Variants in NELL1 observed in about 807,000 individuals in gnomAD.
NELL1 encodes the protein neural EGFL like 1.
In NELL1, 76 loss-of-function variants were observed where a neutral mutation model predicts 107.4. The observed-to-expected ratio is 0.71, with a 90% confidence interval of 0.59 to 0.86. The LOEUF (loss-of-function observed/expected upper bound fraction) is 0.86, where lower values mean the gene tolerates loss of function less well. Ranked by LOEUF, NELL1 falls within the 40% of genes least tolerant of loss-of-function variation. The pLI is 0.00. For missense variants in NELL1, 1,024 were observed against 1,005.5 expected (o/e 1.02, Z -0.25); for synonymous variants, 353 against 341.2 (o/e 1.03, Z -0.38).
chr11:20,753,962 G>T (rs1203496569), intron 2 of NELL1, among the ~76,000 whole-genome samples: 1 of 152,146 alleles, frequency 6.6e-6, no homozygotes, highest in Non-Finnish European at 1.5e-5. Flanking sequence ...GTGTCTCATT[G>T]GTTTGTCATG....
At chr11:21,553,735 T>C (rs1304833584) in intron 16 of NELL1, among the ~76,000 whole-genome samples, 4 of 151,732 alleles carry the variant, frequency 2.6e-5, no homozygotes, top group African/African-American at 9.7e-5. Context: ...ATGAGAGACA[T>C]AAAGATAAGA....
At chr11:21,107,582 A>G (rs1319727307) in intron 12 of NELL1, among the ~76,000 whole-genome samples, 1 of 152,160 alleles carries the variant, frequency 6.6e-6, no homozygotes, top group Non-Finnish European at 1.5e-5. Flanking sequence ...TGACACAGCT[A>G]TCAAGAAATA....
chr11:20,835,217 C>T (rs1457429833), intron 3 of NELL1, among the ~76,000 whole-genome samples: 1 of 152,180 alleles, frequency 6.6e-6, no homozygotes, highest in Non-Finnish European at 1.5e-5. Flanking sequence ...CTCCTCTCCT[C>T]GTTTTAAAGG....
chr11:21,519,036 T>C (rs1392661495), intron 15 of NELL1, among the ~76,000 whole-genome samples: 1 of 152,192 alleles, frequency 6.6e-6, no homozygotes, highest in Non-Finnish European at 1.5e-5. Flanking sequence ...TGTGATTTAA[T>C]TGGAATTTTT....
intron 3 of NELL1, among the ~76,000 whole-genome samples, chr11:20,821,076 C>T (rs1022276300): frequency 1.3e-5 from 2 of 152,136 alleles, no homozygotes; most frequent in African/African-American, 4.8e-5. Context: ...AAGCCATTAA[C>T]CCTTCCAGGG....
At chr11:21,527,776 G>A (rs1420012632) in intron 15 of NELL1, among the ~76,000 whole-genome samples, 1 of 152,160 alleles carries the variant, frequency 6.6e-6, no homozygotes, top group Non-Finnish European at 1.5e-5. Context: ...GAAGAGCTTG[G>A]AGTCTGATAT....
intron 14 of NELL1, among the ~76,000 whole-genome samples, chr11:21,347,392 C>T (rs565504020): frequency 1.1e-3 from 164 of 152,092 alleles, no homozygotes; most frequent in Non-Finnish European, 2.0e-3. Context: ...CACCTGAGGT[C>T]GGGAGTTTGA....
Position 20,675,308 on chromosome 11 carries a change from G to C in NELL1, c.56-2624G>C, listed in dbSNP as rs116247563. Among the ~76,000 whole-genome samples the C allele has an allele frequency of 7.8e-3, 1,193 of 152,302 alleles. 13 individuals are homozygous for C. The highest frequency in any genetic ancestry group is 0.027 in the African/African-American group (1,109 of 41,566). On this transcript the variant is annotated intron_variant, in intron 1 of 19. Coordinates refer to ENST00000357134, the MANE Select transcript of NELL1 (RefSeq NM_006157.5). Reference sequence around the variant, plus strand: ...CTCAGTAAAGGCTGTGGATATGAGAGGGGTAAAGATTTAAGGCCAATGTTC... The same window carrying C: ...CTCAGTAAAGGCTGTGGATATGAGACGGGTAAAGATTTAAGGCCAATGTTC...
rs865950979 is a variant in NELL1 at position 21,028,124 on chromosome 11, C to T, written c.1300+67564C>T. On this transcript the variant is annotated intron_variant, in intron 12 of 19. Transcript: ENST00000357134. ...CATGTAAAAATCTTGTGTACCCACA[C>T]CCTAGAAGCCATTCTATATTTCTGA... is the stretch of plus-strand genomic sequence containing the variant. 2.6e-5 allele frequency among the ~76,000 whole-genome samples: 4 copies of T among 152,280 alleles called. No homozygotes were observed. In the South Asian group the frequency reaches 6.2e-4, roughly 24 times the overall value.
At chr11:21,337,819 T>TG (rs1850460967) in intron 14 of NELL1, among the ~76,000 whole-genome samples, 1 of 27,066 alleles carries the variant, frequency 3.7e-5, no homozygotes, top group Non-Finnish European at 7.5e-5. Flanking sequence ...TTGCTTTCCT[T>TG]CTTTCTTTCT....
At chr11:21,117,048 T>C (rs1339469424) in intron 13 of NELL1, among the ~76,000 whole-genome samples, 1 of 152,014 alleles carries the variant, frequency 6.6e-6, no homozygotes, top group East Asian at 1.9e-4. Flanking sequence ...TGCTGACCTT[T>C]GTCTTTTTCT....
chr11:21,160,115 T>C (rs1488272855), intron 13 of NELL1, among the ~76,000 whole-genome samples: 1 of 152,198 alleles, frequency 6.6e-6, no homozygotes, highest in African/African-American at 2.4e-5. Context: ...ATAAGCACAT[T>C]TATCTACTCA....
At chr11:20,958,621 A>G (rs942920511) in intron 11 of NELL1, among the ~76,000 whole-genome samples, 4 of 152,230 alleles carry the variant, frequency 2.6e-5, no homozygotes, top group Admixed American at 1.3e-4. Flanking sequence ...TTAAGTATGA[A>G]GATAGTCTAA....
At chr11:20,783,548 A>G (rs925416272) in intron 2 of NELL1, 132 bp from the exon 3 acceptor site, 9 of 615,512 alleles carry the variant, frequency 1.5e-5, no homozygotes, top group Admixed American at 1.3e-4. Flanking sequence ...TGGACATGAC[A>G]TTTTTAACCA....
chr11:20,781,101 C>T (rs770719287), intron 2 of NELL1, among the ~76,000 whole-genome samples: 1 of 151,970 alleles, frequency 6.6e-6, no homozygotes, highest in Non-Finnish European at 1.5e-5. Flanking sequence ...TTGGAAGTGC[C>T]CTAGGGAGCA....
At chr11:20,971,974 A>G (rs1306599150) in intron 12 of NELL1, among the ~76,000 whole-genome samples, 1 of 142,972 alleles carries the variant, frequency 7.0e-6, no homozygotes, top group Non-Finnish European at 1.5e-5. Flanking sequence ...GAGTTGAACA[A>G]TGAGAACACA....
intron 3 of NELL1, among the ~76,000 whole-genome samples, chr11:20,789,477 G>GAGT (rs1857033477): frequency 6.6e-6 from 1 of 152,202 alleles, no homozygotes; most frequent in South Asian, 2.1e-4. Flanking sequence ...CCCAAAGAGG[G>GAGT]AGTCACAGCC....
At chr11:20,970,080 C>T (rs201736010) in intron 12 of NELL1, among the ~76,000 whole-genome samples, 12 of 151,298 alleles carry the variant, frequency 7.9e-5, no homozygotes, top group East Asian at 1.9e-4. Context: ...TCCATCCATC[C>T]ATCCATCCAT....
At chr11:21,358,394 T>G (rs1297864889) in intron 14 of NELL1, among the ~76,000 whole-genome samples, 2 of 151,850 alleles carry the variant, frequency 1.3e-5, no homozygotes, top group East Asian at 1.9e-4. Context: ...TGTAAGGTTT[T>G]TTTTGTTTTG....
Sources: gnomAD v4.1 joint callset for allele counts (sites outside exome capture counted in the v4.1 genomes callset) on GRCh38, gnomAD v4.1.1 for gene constraint, MANE v1.5 for transcripts, NCBI Gene and HGNC (gene_info 2026-07-23, HGNC 2026-07-21) for gene names.